The following SUMF1 variants were observed in gnomAD, a reference collection of about 807,000 sequenced individuals.
The protein encoded by SUMF1 is formylglycine-generating enzyme.
SUMF1 carries 48 observed loss-of-function variants against 47.6 expected under a neutral mutation model. That is an observed-to-expected ratio of 1.01 (90% confidence interval 0.80 to 1.28). The LOEUF (loss-of-function observed/expected upper bound fraction) is 1.28. Among genes scored for constraint, SUMF1 ranks in the 50% most tolerant of loss-of-function variants. SUMF1 has a pLI of 0.00. For synonymous variants in SUMF1, 230 were observed against 192.1 expected (o/e 1.20, Z -1.63); for missense variants, 571 against 485.4 (o/e 1.18, Z -1.66).
intron 1 of SUMF1, among the ~76,000 whole-genome samples, chr3:4,456,924 G>GTGTC (rs2079653312): frequency 9.1e-6 from 1 of 110,200 alleles, no homozygotes; most frequent in Non-Finnish European, 1.9e-5. Flanking sequence ...ACGTGTGTGT[G>GTGTC]TATATATATA....
At chr3:4,205,356 C>T (rs1695628166) in intron 8 of SUMF1, among the ~76,000 whole-genome samples, 1 of 152,156 alleles carries the variant, frequency 6.6e-6, no homozygotes, top group African/African-American at 2.4e-5. Context: ...TCTTTTTGGA[C>T]TCAGCCCGCC....
chr3:4,327,596 C>T (rs1052602961), intron 8 of SUMF1, among the ~76,000 whole-genome samples: 1 of 151,462 alleles, frequency 6.6e-6, no homozygotes. Context: ...ATTAAGACAG[C>T]AGAATTATAG....
chr3:4,457,463 A>G (rs2079694373), intron 1 of SUMF1, among the ~76,000 whole-genome samples: 1 of 152,180 alleles, frequency 6.6e-6, no homozygotes, highest in African/African-American at 2.4e-5. Context: ...CAAAAAGAAC[A>G]AAGGTGGAGT....
chr3:4,344,261 G>C (rs1699329094), intron 8 of SUMF1, among the ~76,000 whole-genome samples: 1 of 152,212 alleles, frequency 6.6e-6, no homozygotes, highest in Non-Finnish European at 1.5e-5. Context: ...GAGCCACACG[G>C]GGAAGGGGAA....
At chr3:4,142,494 A>G (rs1694094858) in intron 8 of SUMF1, among the ~76,000 whole-genome samples, 1 of 152,138 alleles carries the variant, frequency 6.6e-6, no homozygotes, top group Admixed American at 6.6e-5. Flanking sequence ...TAATTATTTG[A>G]TGAATGAATA....
chr3:4,244,528 T>C (rs530045685), intron 8 of SUMF1, among the ~76,000 whole-genome samples: 1 of 152,332 alleles, frequency 6.6e-6, no homozygotes, highest in Admixed American at 6.5e-5. Context: ...CTTAGTTGGC[T>C]GGATATGAAA....
At chr3:4,308,397 AATAAG>A (rs71777195) in intron 8 of SUMF1, among the ~76,000 whole-genome samples, 11,902 of 152,282 alleles carry the variant, frequency 0.078, 677 homozygotes, top group South Asian at 0.31. Context: ...CTATGAAATA[AATAAG>A]ATGTTTAGTA....
At chr3:4,085,729 T>A (rs774724073) in intron 8 of SUMF1, among the ~76,000 whole-genome samples, 1 of 152,144 alleles carries the variant, frequency 6.6e-6, no homozygotes, top group Non-Finnish European at 1.5e-5. Flanking sequence ...TTTGTTCTAC[T>A]TTGTCCTTCT....
intron 3 of SUMF1, among the ~76,000 whole-genome samples, chr3:4,426,659 G>C (rs919400921): frequency 6.6e-6 from 1 of 152,324 alleles, no homozygotes; most frequent in South Asian, 2.1e-4. Flanking sequence ...AACAGGAATA[G>C]TGTTCAGGTG....
At chr3:4,377,773 C>T (rs951463080) in intron 7 of SUMF1, among the ~76,000 whole-genome samples, 3 of 152,188 alleles carry the variant, frequency 2.0e-5, no homozygotes, top group African/African-American at 7.2e-5. Flanking sequence ...TAAGCCAGAA[C>T]CGTATCAGGG....
chr3:4,332,071 A>G (rs1415835838), intron 8 of SUMF1, among the ~76,000 whole-genome samples: 1 of 152,206 alleles, frequency 6.6e-6, no homozygotes, highest in Admixed American at 6.5e-5. Flanking sequence ...AGGCATTTGA[A>G]TTAAAGTTTC....
chr3:4,106,951 C>T (rs981247103), intron 8 of SUMF1, among the ~76,000 whole-genome samples: 1 of 151,968 alleles, frequency 6.6e-6, no homozygotes, highest in Non-Finnish European at 1.5e-5. Flanking sequence ...AAAGGCAAAA[C>T]ATAAAAGAGA....
At chr3:4,174,889 C>G (rs1465676139) in intron 8 of SUMF1, among the ~76,000 whole-genome samples, 1 of 152,204 alleles carries the variant, frequency 6.6e-6, no homozygotes, top group Non-Finnish European at 1.5e-5. Flanking sequence ...CTCTCCTGTG[C>G]CTGGCTCGGC....
intron 8 of SUMF1, among the ~76,000 whole-genome samples, chr3:4,339,954 G>GT (rs1403120258): frequency 6.6e-6 from 1 of 152,086 alleles, no homozygotes; most frequent in Non-Finnish European, 1.5e-5. Context: ...ACACATACCT[G>GT]TGGTCCCAGC....
intron 7 of SUMF1, among the ~76,000 whole-genome samples, chr3:4,377,989 A>T (rs964127895): frequency 3.3e-5 from 5 of 152,248 alleles, no homozygotes; most frequent in African/African-American, 9.6e-5. Context: ...TGGCTAATGT[A>T]CTTTCTTGCA....
chr3:4,197,727 T>G (rs961130704), intron 8 of SUMF1, among the ~76,000 whole-genome samples: 1 of 152,120 alleles, frequency 6.6e-6, no homozygotes, highest in African/African-American at 2.4e-5. Flanking sequence ...TCCAAACATG[T>G]CAGTAAACAT....
chr3:4,136,949 G>A (rs377237011), intron 8 of SUMF1, among the ~76,000 whole-genome samples: 7 of 152,166 alleles, frequency 4.6e-5, no homozygotes, highest in South Asian at 4.2e-4. Flanking sequence ...TTAGAATGGC[G>A]ATCATTAAAA....
At chr3:4,359,757 C>T (rs1047671548), downstream of SUMF1, among the ~76,000 whole-genome samples, 7 of 152,078 alleles carry the variant, frequency 4.6e-5, no homozygotes, top group Non-Finnish European at 8.8e-5. Context: ...TCAATTACTC[C>T]CACCAGGTCC....
At position 4,035,220 on chromosome 3, in the gene SUMF1, C is replaced by G. The variant is rs73013764; in HGVS notation, c.1191+33349G>C. Among the ~76,000 whole-genome samples the G allele has an allele frequency of 9.4e-3, 1,424 of 152,216 alleles. 14 individuals are homozygous for G. Among genetic ancestry groups the G allele is most frequent in the Non-Finnish European group, 0.014 (956 of 68,006 alleles). Reference sequence around the variant, plus strand: ...TAAGAAATTATCACAAAATGAATGGCTTAAAACAACAAGAGTGTACTGTCT... The same window carrying G: ...TAAGAAATTATCACAAAATGAATGGGTTAAAACAACAAGAGTGTACTGTCT... On this transcript the variant is annotated intron_variant and NMD_transcript_variant, in intron 9 of 12. Coordinates refer to the SUMF1 transcript ENST00000448413.
Sources: gnomAD v4.1 joint callset for allele counts (sites outside exome capture counted in the v4.1 genomes callset) on GRCh38, gnomAD v4.1.1 for gene constraint, MANE v1.5 for transcripts, NCBI Gene and HGNC (gene_info 2026-07-23, HGNC 2026-07-21) for gene names.